Variants in PRSS12 observed in about 807,000 individuals in gnomAD.
PRSS12 encodes serine protease 12.
In PRSS12, 85 loss-of-function variants were observed where a neutral mutation model predicts 104.4. The ratio of observed to expected loss-of-function variants is 0.81; its 90% CI spans 0.68 to 0.98. The LOEUF (loss-of-function observed/expected upper bound fraction) is 0.98. Ranked by LOEUF, PRSS12 falls within the 50% of genes least tolerant of loss-of-function variation. PRSS12 has a pLI of 0.00. For synonymous variants in PRSS12, 454 were observed against 425.2 expected (o/e 1.07, Z -0.83); for missense variants, 1,141 against 1,139.2 (o/e 1.00, Z -0.02).
At chr4:118,298,177 C>T (rs1206524342) in intron 9 of PRSS12, among the ~76,000 whole-genome samples, 3 of 151,320 alleles carry the variant, frequency 2.0e-5, no homozygotes, top group Admixed American at 6.6e-5. Context: ...GTATGCAGAG[C>T]TTTCAAGAAC....
intron 1 of PRSS12, among the ~76,000 whole-genome samples, chr4:118,350,443 T>C (rs1028786997): frequency 2.6e-5 from 4 of 152,166 alleles, no homozygotes; most frequent in Non-Finnish European, 5.9e-5. Flanking sequence ...TAGAATGAGA[T>C]TGAGTCTGTG....
At chr4:118,299,434 A>G (rs1479014223) in intron 8 of PRSS12, among the ~76,000 whole-genome samples, 1 of 152,142 alleles carries the variant, frequency 6.6e-6, no homozygotes, top group Non-Finnish European at 1.5e-5. Context: ...GAATCCCAAC[A>G]CTTTGGGAGG....
chr4:118,351,122 G>A (rs575053676), intron 1 of PRSS12, among the ~76,000 whole-genome samples: 1 of 152,204 alleles, frequency 6.6e-6, no homozygotes, highest in Non-Finnish European at 1.5e-5. Flanking sequence ...TTAACTCAAA[G>A]CACTAATGCA....
intron 11 of PRSS12, among the ~76,000 whole-genome samples, chr4:118,287,165 G>A (rs1239496290): frequency 6.6e-6 from 1 of 151,446 alleles, no homozygotes; most frequent in Non-Finnish European, 1.5e-5. Flanking sequence ...TCTTTTTTGA[G>A]ACAAGGGTTC....
chr4:118,313,572 G>A (rs1025418034), intron 6 of PRSS12, among the ~76,000 whole-genome samples, 175 bp from the exon 7 acceptor site: 3 of 152,012 alleles, frequency 2.0e-5, no homozygotes, highest in African/African-American at 4.8e-5. Flanking sequence ...CCCATCACAT[G>A]TTTTAATCAC....
intron 8 of PRSS12, chr4:118,303,413 T>C (rs1288464240): frequency 6.6e-6 from 1 of 152,166 alleles, no homozygotes; most frequent in Non-Finnish European, 1.5e-5. Context: ...AGCACCATTT[T>C]AGATATATCA....
intron 9 of PRSS12, among the ~76,000 whole-genome samples, chr4:118,297,727 G>A (rs1051006535): frequency 3.2e-4 from 48 of 152,110 alleles, no homozygotes; most frequent in African/African-American, 1.1e-3. Flanking sequence ...ACAAAATCCA[G>A]TGTATCAGAA....
chr4:118,331,324 G>T (rs534237785), intron 4 of PRSS12, among the ~76,000 whole-genome samples: 1 of 152,302 alleles, frequency 6.6e-6, no homozygotes, highest in Non-Finnish European at 1.5e-5. Context: ...AGGAAGTGCA[G>T]TTCAAAAGTT....
chr4:118,299,455 C>T (rs1266835278), intron 8 of PRSS12, among the ~76,000 whole-genome samples: 3 of 151,910 alleles, frequency 2.0e-5, no homozygotes, highest in African/African-American at 7.2e-5. Context: ...CCAAGGCGGG[C>T]GGATCACCTG....
At position 118,352,601 on chromosome 4, in the gene PRSS12, A is replaced by T. The variant is rs573317117; in HGVS notation, c.120T>A (p.Gly40=). ...TGGGAAGGTAATAGGGGTAGTGCGG[A>T]CCCGCAGGGGGCGAATGGCGGTGGC... is the stretch of plus-strand genomic sequence containing the variant. ...HHSHRHSPPA[G]PHYPYYLPTQ... is the part of the protein sequence containing the mutation. The change falls in exon 1 of 13, where the codon GGT becomes GGA. Residue 40 remains glycine (G), a synonymous_variant. Transcript: ENST00000296498. The T allele has an allele frequency of 6.2e-7, 1 of 1,608,416 alleles. No individual in the cohort carries two copies. Among genetic ancestry groups the T allele is most frequent in the Non-Finnish European group, 8.5e-7 (1 of 1,177,692 alleles).
chr4:118,294,967 C>T lies in PRSS12; in HGVS notation c.2011G>A (p.Val671Ile). The part of the protein sequence containing the change: ...CGATLLSSCW[V>I]LTAAHCFKRY... ...TTGAAACAGTGTGCTGCTGTGAGGACCCAGCAGCTACTCAGGAGCGTAGCC... is the reference window on the plus strand; with the variant it reads ...TTGAAACAGTGTGCTGCTGTGAGGATCCAGCAGCTACTCAGGAGCGTAGCC... The change falls in exon 11 of 13, where the codon GTC becomes ATC. Residue 671 changes from valine to isoleucine, a missense_variant. By Grantham distance (29) the Val-to-Ile change is conservative. Coordinates refer to ENST00000296498, the MANE Select transcript of PRSS12 (RefSeq NM_003619.4). The T allele has an allele frequency of 1.2e-6, 2 of 1,614,072 alleles. No individual in the cohort carries two copies. Among genetic ancestry groups the T allele is most frequent in the Non-Finnish European group, 1.7e-6 (2 of 1,180,004 alleles).
intron 1 of PRSS12, among the ~76,000 whole-genome samples, chr4:118,338,730 C>T (rs553061105): frequency 6.6e-6 from 1 of 152,284 alleles, no homozygotes; most frequent in South Asian, 2.1e-4. Flanking sequence ...TTCCTCTTCT[C>T]ATGAGGTCAT....
At chr4:118,293,656 C>T (rs772644817) in intron 11 of PRSS12, among the ~76,000 whole-genome samples, 1 of 152,094 alleles carries the variant, frequency 6.6e-6, no homozygotes, top group Non-Finnish European at 1.5e-5. Context: ...AAGAGGAAGA[C>T]ATTGGTCAGG....
In PRSS12 at chr4:118,281,870, G is replaced by C; in HGVS notation, c.*66C>G. On this transcript the variant is annotated 3_prime_UTR_variant, in exon 13 of 13. Coordinates refer to ENST00000296498, the MANE Select transcript of PRSS12 (RefSeq NM_003619.4). ...TGCCATTTGTTGTCATCTCTGCTGAGTGCTAATAGTGGGGGTTCAAAGTTT... is the reference window on the plus strand; with the variant it reads ...TGCCATTTGTTGTCATCTCTGCTGACTGCTAATAGTGGGGGTTCAAAGTTT... 4.9e-6 allele frequency: 4 copies of C among 818,996 alleles called. No individual in the cohort carries two copies. Among genetic ancestry groups the C allele is most frequent in the Non-Finnish European group, 8.8e-6 (4 of 454,474 alleles). 50.7% of individuals were successfully genotyped at this position (818,996 alleles called of 1,614,324 possible). A position where few individuals can be genotyped will look rare whatever the true frequency, so the allele number is the denominator to read the frequency against.
In PRSS12 at chr4:118,282,230, T is replaced by C; in HGVS notation, c.2334A>G (p.Ser778=). 6.2e-7 allele frequency: 1 copy of C among 1,614,200 alleles called. No homozygotes were observed. Among genetic ancestry groups the C allele is most frequent in the South Asian group, 1.1e-5 (1 of 91,084 alleles). ...TGWGDTGRAY[S]RTLQQAAIPL... ...GAATGGCTGCTTGTTGTAGTGTTCTTGAATAGGCTCGTCCTACTCAGACCA... is the reference window on the plus strand; with the variant it reads ...GAATGGCTGCTTGTTGTAGTGTTCTCGAATAGGCTCGTCCTACTCAGACCA... Residue 778 remains serine, a synonymous_variant, in exon 13 of 13, where the codon TCA becomes TCG. Coordinates refer to ENST00000296498, the MANE Select transcript of PRSS12 (RefSeq NM_003619.4).
At chr4:118,326,632 C>T (rs1386563689) in intron 4 of PRSS12, among the ~76,000 whole-genome samples, 1 of 152,180 alleles carries the variant, frequency 6.6e-6, no homozygotes, top group Non-Finnish European at 1.5e-5. Flanking sequence ...TCTCTCTTGA[C>T]TTCCTTATTT....
chr4:118,316,453 C>T lies in PRSS12; in HGVS notation c.1151-130G>A, dbSNP rs1723416160. ...TAGGCCTTTTGCTAAACTTACATTA[C>T]ATCTGTGCTAAATGACCCTCTGAGG... is the stretch of plus-strand genomic sequence containing the variant. On this transcript the variant is annotated intron_variant, in intron 5 of 12. Coordinates refer to ENST00000296498, the MANE Select transcript of PRSS12 (RefSeq NM_003619.4). 13 of 1,134,624 alleles carry T rather than the reference C, an allele frequency of 1.1e-5. No homozygotes were observed. The South Asian group carries it at 1.5e-4, about 13-fold the overall frequency. 70.3% of individuals were successfully genotyped at this position (1,134,624 alleles called of 1,614,324 possible).
chr4:118,339,355 T>A (rs995079970), intron 1 of PRSS12, among the ~76,000 whole-genome samples: 1 of 152,260 alleles, frequency 6.6e-6, no homozygotes, highest in Non-Finnish European at 1.5e-5. Flanking sequence ...ATAATTTGCA[T>A]ATTTCAAAGT....
intron 3 of PRSS12, among the ~76,000 whole-genome samples, chr4:118,332,237 C>T (rs1298846741): frequency 6.6e-6 from 1 of 152,002 alleles, no homozygotes; most frequent in African/African-American, 2.4e-5. Context: ...TTGAGCATTA[C>T]CAATATGTCA....
Sources: allele counts gnomAD v4.1 joint callset (sites outside exome capture counted in the v4.1 genomes callset), GRCh38; gene constraint gnomAD v4.1.1; transcripts MANE v1.5; gene names NCBI Gene and HGNC (gene_info 2026-07-23, HGNC 2026-07-21).